The following COBLL1 variants were observed in gnomAD, a reference collection of about 807,000 sequenced individuals.
COBLL1 encodes cordon-bleu WH2 repeat protein like 1.
A neutral mutation model predicts 94.8 loss-of-function variants in COBLL1; 50 were observed. The observed-to-expected ratio is 0.53, with a 90% CI of 0.42 to 0.67. The LOEUF (loss-of-function observed/expected upper bound fraction) is 0.67. Ranked by LOEUF, COBLL1 falls within the 30% of genes least tolerant of loss-of-function variation. COBLL1 has a pLI of 0.00. For missense variants in COBLL1, 1,362 were observed against 1,348.7 expected (o/e 1.01, Z -0.15); for synonymous variants, 448 against 473.8 (o/e 0.95, Z 0.71).
intron 2 of COBLL1, among the ~76,000 whole-genome samples, chr2:164,795,076 G>A (rs1683374806): frequency 6.6e-6 from 1 of 152,184 alleles, no homozygotes; most frequent in African/African-American, 2.4e-5. Flanking sequence ...TCGTCTCTAG[G>A]GAAAGTTGGT....
chr2:164,741,483 A>G (rs1456332712), intron 3 of COBLL1, among the ~76,000 whole-genome samples: 1 of 152,126 alleles, frequency 6.6e-6, no homozygotes, highest in Non-Finnish European at 1.5e-5. Context: ...TGAGGGTGCA[A>G]GGTAAATGAA....
chr2:164,747,464 C>T (rs1023830208), intron 2 of COBLL1, among the ~76,000 whole-genome samples: 8 of 152,058 alleles, frequency 5.3e-5, no homozygotes, highest in Admixed American at 3.9e-4. Context: ...TAGGACAAAG[C>T]GCTACTTGAA....
rs911260579 is a variant in COBLL1, at chr2:164,820,096, A to C, written c.41+21060T>G. On this transcript the variant is annotated intron_variant, in intron 2 of 13. Coordinates refer to ENST00000652658, the MANE Select transcript of COBLL1 (RefSeq NM_001365672.2). ...TGATCTGCCCACCTTGGCCTCCCAAAGTGCTGGGATTACAGGTGTGGGCCA... is the reference window on the plus strand; with the variant it reads ...TGATCTGCCCACCTTGGCCTCCCAACGTGCTGGGATTACAGGTGTGGGCCA... 3.4e-5 allele frequency among the ~76,000 whole-genome samples: 5 copies of C among 145,384 alleles called. No homozygotes were observed. In the Admixed American group the frequency reaches 3.5e-4, roughly 10 times the overall value.
intron 7 of COBLL1, 50 bp from the exon 8 acceptor site, chr2:164,705,155 A>G: frequency 7.1e-7 from 1 of 1,414,198 alleles, no homozygotes. Flanking sequence ...AATCAGTAGC[A>G]AACTTTAGGA....
chr2:164,766,359 G>A (rs1432256224), intron 2 of COBLL1, among the ~76,000 whole-genome samples: 1 of 152,146 alleles, frequency 6.6e-6, no homozygotes, highest in African/African-American at 2.4e-5. Flanking sequence ...GTTGGAGATG[G>A]AGCCAGATGG....
intron 13 of COBLL1, among the ~76,000 whole-genome samples, chr2:164,691,142 G>T (rs940090610): frequency 6.6e-6 from 1 of 152,092 alleles, no homozygotes; most frequent in Non-Finnish European, 1.5e-5. Context: ...CCCAGACAGG[G>T]TGCCAAGTCC....
intron 13 of COBLL1, 63 bp downstream of exon 13, chr2:164,692,158 A>C (rs1464667537): frequency 2.1e-6 from 3 of 1,427,690 alleles, no homozygotes; most frequent in Non-Finnish European, 2.8e-6. Flanking sequence ...ATTTTTCCCT[A>C]AGTATTAGTT....
chr2:164,820,249 T>C (rs1685099249), intron 2 of COBLL1, among the ~76,000 whole-genome samples: 1 of 152,178 alleles, frequency 6.6e-6, no homozygotes, highest in African/African-American at 2.4e-5. Flanking sequence ...AGACAAGGTC[T>C]CACTCTGTTG....
upstream of COBLL1, chr2:164,841,989 C>T: frequency 6.5e-7 from 1 of 1,539,960 alleles, no homozygotes; most frequent in Non-Finnish European, 8.7e-7. The surrounding 1 kb of genome is among the most constrained non-coding windows in gnomAD (Gnocchi z 5.5). Context: ...AGTCCGGGAG[C>T]TCGCCGCCGC....
chr2:164,796,570 C>T (rs1270411188), intron 2 of COBLL1, among the ~76,000 whole-genome samples: 1 of 151,736 alleles, frequency 6.6e-6, no homozygotes, highest in Non-Finnish European at 1.5e-5. Flanking sequence ...GAACTTTCTA[C>T]AATGAATATT....
intron 2 of COBLL1, among the ~76,000 whole-genome samples, chr2:164,787,884 C>T (rs1682948778): frequency 6.6e-6 from 1 of 152,138 alleles, no homozygotes; most frequent in African/African-American, 2.4e-5. Context: ...ATAGTGCCTT[C>T]TTTTATGACT....
intron 2 of COBLL1, among the ~76,000 whole-genome samples, chr2:164,815,970 C>A (rs1313940702): frequency 6.6e-6 from 1 of 151,988 alleles, no homozygotes. Context: ...CCAGTAGGGA[C>A]AAAACAATGT....
Position 164,722,048 on chromosome 2 carries a change from A to T in COBLL1, c.996+27T>A, listed in dbSNP as rs368379267. 3 of 1,528,084 alleles carry T rather than the reference A, an allele frequency of 2.0e-6. No homozygotes were observed. In the African/African-American group the frequency reaches 4.2e-5, roughly 21 times the overall value. 94.7% of individuals were successfully genotyped at this position (1,528,084 alleles called of 1,614,324 possible). On this transcript the variant is annotated intron_variant, in intron 7 of 13. Coordinates refer to ENST00000652658, the MANE Select transcript of COBLL1 (RefSeq NM_001365672.2). The stretch of plus-strand genomic sequence containing the variant: ...AATGGTACACTGCCTCATCCAAAAA[A>T]ACAAAATAGAAAACAAAACTACACA...
intron 13 of COBLL1, among the ~76,000 whole-genome samples, chr2:164,688,964 T>G (rs1007384736): frequency 6.6e-6 from 1 of 152,168 alleles, no homozygotes; most frequent in Non-Finnish European, 1.5e-5. Flanking sequence ...GTTGTTCTTA[T>G]GTCAACACAG....
intron 7 of COBLL1, among the ~76,000 whole-genome samples, chr2:164,709,790 C>A (rs185389460): frequency 1.1e-4 from 16 of 152,162 alleles, no homozygotes; most frequent in Admixed American, 1.0e-3. Context: ...CTAATTGATA[C>A]GACGTACAAT....
At chr2:164,710,920 G>C (rs1395595527) in intron 7 of COBLL1, among the ~76,000 whole-genome samples, 1 of 152,124 alleles carries the variant, frequency 6.6e-6, no homozygotes, top group Non-Finnish European at 1.5e-5. Flanking sequence ...ATGCTCCAAA[G>C]AGTCTCCCAA....
intron 12 of COBLL1, among the ~76,000 whole-genome samples, chr2:164,693,583 T>C (rs991750147): frequency 2.0e-5 from 3 of 152,084 alleles, no homozygotes; most frequent in Non-Finnish European, 4.4e-5. Flanking sequence ...AATACAACAT[T>C]TAGTTGACCA....
chr2:164,798,937 G>A (rs912537921), intron 2 of COBLL1, among the ~76,000 whole-genome samples: 3 of 146,802 alleles, frequency 2.0e-5, no homozygotes, highest in Admixed American at 1.4e-4. Flanking sequence ...GGAGAATGGC[G>A]TGAACCCGGG....
At chr2:164,661,536 A>C (rs2105382428) in intron 2 of COBLL1, among the ~76,000 whole-genome samples, 1 of 152,254 alleles carries the variant, frequency 6.6e-6, no homozygotes, top group Middle Eastern at 3.4e-3. Flanking sequence ...TTCCACATAA[A>C]TTAAACATGA....
Sources: gnomAD v4.1 joint callset for allele counts (sites outside exome capture counted in the v4.1 genomes callset) on GRCh38, gnomAD v4.1.1 for gene constraint, Gnocchi (gnomAD v3.1) non-coding constraint, MANE v1.5 for transcripts, NCBI Gene and HGNC (gene_info 2026-07-23, HGNC 2026-07-21) for gene names.